Variants in TFDP1 observed in about 807,000 individuals in gnomAD.
TFDP1 encodes transcription factor Dp-1.
Under a neutral mutation model 48.0 loss-of-function variants are expected in TFDP1, and 6 were observed. The observed-to-expected ratio is 0.13, with a 90% CI of 0.07 to 0.25. The LOEUF (loss-of-function observed/expected upper bound fraction) is 0.25. TFDP1 is among the 10% of genes least tolerant of loss of function. TFDP1 has a pLI of 1.00. For missense variants in TFDP1, 335 were observed against 543.0 expected (o/e 0.62, Z 3.81); for synonymous variants, 201 against 211.6 (o/e 0.95, Z 0.44).
At position 113,627,544 on chromosome 13, in the gene TFDP1, G is replaced by T. The variant is rs1465198877; in HGVS notation, c.187-4079G>T. Among the ~76,000 whole-genome samples, 3 of 152,214 alleles carry T rather than the reference G, an allele frequency of 2.0e-5. No individual in the cohort carries two copies. The highest frequency in any genetic ancestry group is 7.2e-5 in the African/African-American group (3 of 41,444). ...TGTCTGAGTGGGGTCACACTACACG[G>T]AGACATCGTAATCTCAGTTTTTAGA... On this transcript the variant is annotated intron_variant, in intron 4 of 11. Coordinates refer to ENST00000375370, the MANE Select transcript of TFDP1 (RefSeq NM_007111.5). The surrounding 1 kb of genome is among the most constrained non-coding windows in gnomAD (Gnocchi z 4.1).
intron 2 of TFDP1, among the ~76,000 whole-genome samples, chr13:113,608,547 C>G (rs989239131): frequency 1.3e-5 from 2 of 152,182 alleles, no homozygotes; most frequent in Non-Finnish European, 1.5e-5. Context: ...CACAGATGCT[C>G]GAGCTGGGCC....
In TFDP1 at chr13:113,640,103, C is replaced by T. The variant is rs373761807; in HGVS notation, c.1086-17C>T. On this transcript the variant is annotated splice_polypyrimidine_tract_variant and intron_variant, in intron 11 of 11. Transcript: ENST00000375370. ...GGCCGCCTGCACTGACGGCGCCATC[C>T]GCCTCCTGCCTTGCAGTGACCTGAC... The T allele has an allele frequency of 2.8e-4, 447 of 1,572,216 alleles. No homozygotes were observed. Among genetic ancestry groups the T allele is most frequent in the Non-Finnish European group, 3.5e-4 (405 of 1,160,422 alleles).
chr13:113,629,659 G>A (rs551172135), intron 4 of TFDP1, among the ~76,000 whole-genome samples: 2 of 152,346 alleles, frequency 1.3e-5, no homozygotes, highest in East Asian at 1.9e-4. Flanking sequence ...GGCTGGCTAA[G>A]CTGTGATGTG....
intron 4 of TFDP1, among the ~76,000 whole-genome samples, chr13:113,624,650 A>C (rs1361856109): frequency 7.3e-6 from 1 of 137,684 alleles, no homozygotes; most frequent in Non-Finnish European, 1.5e-5. Context: ...GGTGTCTCTC[A>C]CATGTCCTCA....
chr13:113,591,026 A>AAAAG (rs1555350058), intron 2 of TFDP1, among the ~76,000 whole-genome samples: 47 of 145,546 alleles, frequency 3.2e-4, no homozygotes, highest in African/African-American at 8.8e-4. Context: ...AAAAAAAAAA[A>AAAAG]AAAAGAAAAA....
chr13:113,625,769 C>T (rs796327269), intron 4 of TFDP1, among the ~76,000 whole-genome samples: 82 of 54,938 alleles, frequency 1.5e-3, no homozygotes, highest in East Asian at 4.9e-3. Flanking sequence ...TGTCCTCAGG[C>T]GTCTCTCACG....
rs1305093775 is a variant in TFDP1, at chr13:113,627,052, AT to A, written c.186+3767del. 6.6e-6 allele frequency among the ~76,000 whole-genome samples: 1 copy of A among 152,184 alleles called. No homozygotes were observed. The highest frequency in any genetic ancestry group is 6.5e-5 in the Admixed American group (1 of 15,280). ...TCATTGCTGTTTTGTGCTTTGCAAA[AT>A]CCCAGTGATGGGAATTAAAGCTGAC... On this transcript the variant is annotated intron_variant, in intron 4 of 11. Transcript: ENST00000375370. The surrounding 1 kb of genome is among the most constrained non-coding windows in gnomAD (Gnocchi z 4.1).
Position 113,640,213 on chromosome 13 carries a change from C to T in TFDP1, c.1179C>T (p.Val393=), listed in dbSNP as rs143555000. The stretch of plus-strand genomic sequence containing the variant: ...GGGTGGAGACTCCGGTGTCCTACGT[C>T]GGGGAGGACGACGAGGAGGACGATG... The part of the protein sequence containing the change: ...GSRVETPVSY[V]GEDDEEDDDF... The change falls in exon 12 of 12, where the codon GTC becomes GTT. Residue 393 remains valine (V), a synonymous_variant. Coordinates refer to ENST00000375370, the MANE Select transcript of TFDP1 (RefSeq NM_007111.5). The T allele has an allele frequency of 5.6e-6, 9 of 1,613,362 alleles. No homozygotes were observed. Among genetic ancestry groups the T allele is most frequent in the Middle Eastern group, 3.3e-4 (2 of 6,052 alleles).
At position 113,623,459 on chromosome 13, in the gene TFDP1, G is replaced by A. The variant is rs1405515174; in HGVS notation, c.186+173G>A. 6.6e-6 allele frequency among the ~76,000 whole-genome samples: 1 copy of A among 152,154 alleles called. No homozygotes were observed. Among genetic ancestry groups the A allele is most frequent in the Non-Finnish European group, 1.5e-5 (1 of 68,012 alleles). ...AGTGCTAGATTTTCCATAGCCCTCTGCAGCTGCCCACGTGTTGTTGTGGGA... is the reference window on the plus strand; with the variant it reads ...AGTGCTAGATTTTCCATAGCCCTCTACAGCTGCCCACGTGTTGTTGTGGGA... On this transcript the variant is annotated intron_variant, in intron 4 of 11. Coordinates refer to ENST00000375370, the MANE Select transcript of TFDP1 (RefSeq NM_007111.5). This position sits in a 1 kb window ranked among gnomAD's most constrained non-coding sequence, Gnocchi z 5.2.
intron 7 of TFDP1, 101 bp downstream of exon 7, chr13:113,634,134 C>T: frequency 6.6e-7 from 1 of 1,521,100 alleles, no homozygotes; most frequent in Non-Finnish European, 9.1e-7. Flanking sequence ...TGCCCTTATG[C>T]TCTCTGTGTC....
intron 2 of TFDP1, among the ~76,000 whole-genome samples, chr13:113,587,089 A>T (rs1042065743): frequency 6.6e-6 from 1 of 152,116 alleles, no homozygotes; most frequent in Non-Finnish European, 1.5e-5. Context: ...GATGGTTCTC[A>T]AACACGCTTT....
intron 2 of TFDP1, chr13:113,586,093 C>T: frequency 2.5e-6 from 1 of 405,534 alleles, no homozygotes; most frequent in Admixed American, 4.2e-5. Context: ...GGGGTGGTGC[C>T]TTCTGACTTT....
At chr13:113,595,465 G>A (rs1297479319) in intron 2 of TFDP1, among the ~76,000 whole-genome samples, 1 of 152,176 alleles carries the variant, frequency 6.6e-6, no homozygotes, top group African/African-American at 2.4e-5. Flanking sequence ...TGAGACATGT[G>A]GATCTGTCCG....
At chr13:113,597,524 C>T (rs1292989232) in intron 2 of TFDP1, among the ~76,000 whole-genome samples, 1 of 152,200 alleles carries the variant, frequency 6.6e-6, no homozygotes, top group Non-Finnish European at 1.5e-5. Flanking sequence ...GCTAGCCCTG[C>T]GACCTCAGGT....
chr13:113,614,206 G>A (rs57581393), intron 3 of TFDP1, among the ~76,000 whole-genome samples: 3,568 of 151,816 alleles, frequency 0.024, 132 homozygotes, highest in African/African-American at 0.077. Flanking sequence ...TGTTGTGTGC[G>A]AGTTGAGTAT....
intron 2 of TFDP1, among the ~76,000 whole-genome samples, chr13:113,601,901 AGAG>A (rs1191799973): frequency 2.1e-5 from 3 of 140,242 alleles, no homozygotes; most frequent in Non-Finnish European, 3.1e-5. Context: ...TGTAGCTCTG[AGAG>A]GAGGACAGAG....
intron 2 of TFDP1, among the ~76,000 whole-genome samples, chr13:113,595,909 C>T (rs1302614915): frequency 5.3e-5 from 8 of 152,180 alleles, no homozygotes; most frequent in South Asian, 2.1e-4. Flanking sequence ...GGTGAAACCC[C>T]GTCTCTACTA....
chr13:113,591,009 C>CAA (rs71101595), intron 2 of TFDP1, among the ~76,000 whole-genome samples: 1,432 of 59,662 alleles, frequency 0.024, 111 homozygotes, highest in African/African-American at 0.091. Flanking sequence ...GACTCTGTCT[C>CAA]AAAAAAAAAA....
At chr13:113,639,969 G>T in intron 11 of TFDP1, 151 bp from the exon 12 acceptor site, 1 of 614,192 alleles carries the variant, frequency 1.6e-6, no homozygotes, top group Non-Finnish European at 2.8e-6. Context: ...GCGTGCTGTA[G>T]TGCAGACACT....
Sources: allele counts gnomAD v4.1 joint callset (sites outside exome capture counted in the v4.1 genomes callset), GRCh38; gene constraint gnomAD v4.1.1; non-coding constraint Gnocchi (gnomAD v3.1); transcripts MANE v1.5; gene names NCBI Gene and HGNC (gene_info 2026-07-23, HGNC 2026-07-21).